ROBO2: variants seen among roughly 807,000 people sequenced by gnomAD.
ROBO2 encodes roundabout homolog 2.
A neutral mutation model predicts 160.8 loss-of-function variants in ROBO2; 53 were observed. The observed-to-expected ratio is 0.33, with a 90% CI of 0.26 to 0.41. The LOEUF is 0.41. Among genes scored for constraint, ROBO2 ranks in the 10% least tolerant of loss-of-function variants. The pLI is 1.00. For missense variants in ROBO2, 1,577 were observed against 1,722.4 expected, an observed-to-expected ratio of 0.92 and a Z score of 1.49; for synonymous variants, 664 against 611.7, an observed-to-expected ratio of 1.09 and a Z score of -1.26.
intron 24 of ROBO2, among the ~76,000 whole-genome samples, chr3:77,639,359 C>T (rs1234313702): frequency 6.6e-6 from 1 of 152,042 alleles, no homozygotes; most frequent in Non-Finnish European, 1.5e-5. Context: ...TAAGTACATA[C>T]ATGAACATAT....
chr3:76,751,277 C>A (rs559060104), intron 2 of ROBO2, among the ~76,000 whole-genome samples: 162 of 152,268 alleles, frequency 1.1e-3, no homozygotes, highest in African/African-American at 3.6e-3. Context: ...TGGATCCCTT[C>A]CTTGCACCTT....
At chr3:77,275,211 T>C (rs1383648221) in intron 2 of ROBO2, among the ~76,000 whole-genome samples, 8 of 152,182 alleles carry the variant, frequency 5.3e-5, no homozygotes, top group East Asian at 1.9e-4. Context: ...TAATTGACTT[T>C]GAAAATTTGT....
chr3:76,445,933 A>G (rs1276343046), intron 2 of ROBO2, among the ~76,000 whole-genome samples: 2 of 152,194 alleles, frequency 1.3e-5, no homozygotes, highest in African/African-American at 2.4e-5. Flanking sequence ...AGCCAATATC[A>G]TACTGAATGG....
At chr3:77,444,640 A>G (rs1037240212) in intron 2 of ROBO2, among the ~76,000 whole-genome samples, 4 of 152,178 alleles carry the variant, frequency 2.6e-5, no homozygotes, top group Admixed American at 6.6e-5. Flanking sequence ...CAGCATTGAC[A>G]TCTCTACATA....
intron 2 of ROBO2, among the ~76,000 whole-genome samples, chr3:77,238,149 T>A (rs1281087840): frequency 2.0e-5 from 3 of 152,216 alleles, no homozygotes; most frequent in African/African-American, 7.2e-5. Context: ...ATCTAGTAGA[T>A]CTTTTACAAA....
At chr3:77,157,783 G>C (rs928157009) in intron 2 of ROBO2, among the ~76,000 whole-genome samples, 14 of 152,008 alleles carry the variant, frequency 9.2e-5, no homozygotes, top group Non-Finnish European at 1.9e-4. Flanking sequence ...TTCTATATTA[G>C]AGATTATCTA....
chr3:76,764,316 T>C (rs947523319), intron 2 of ROBO2, among the ~76,000 whole-genome samples: 1 of 151,730 alleles, frequency 6.6e-6, no homozygotes, highest in Admixed American at 6.6e-5. Context: ...GTATTGAGCA[T>C]CCATAGTTTG....
rs1459431538 is a variant in ROBO2 at position 75,982,081 on chromosome 3, T to C, written c.109+44479T>C. Among the ~76,000 whole-genome samples the C allele has an allele frequency of 7.9e-5, 12 of 151,606 alleles. No homozygotes were observed. In the Admixed American group the frequency reaches 7.9e-4, roughly 10 times the overall value. The stretch of plus-strand genomic sequence containing the variant: ...ACTTAATGATCTCCAGTTCCATCCA[T>C]ATTGTTGCAAATGACTGAATCTCAT... On this transcript the variant is annotated intron_variant, in intron 2 of 26. Transcript: ENST00000487694.
chr3:75,959,472 CT>C (rs1948832016), intron 2 of ROBO2, among the ~76,000 whole-genome samples: 2 of 151,692 alleles, frequency 1.3e-5, no homozygotes, highest in Non-Finnish European at 2.9e-5. Context: ...TAGGATGGAG[CT>C]ACAGCGTAAA....
chr3:76,822,564 A>G (rs2109156649), intron 2 of ROBO2, among the ~76,000 whole-genome samples: 1 of 152,064 alleles, frequency 6.6e-6, no homozygotes, highest in South Asian at 2.1e-4. Flanking sequence ...TACATGTCTA[A>G]ATTCATTAAC....
At chr3:76,878,183 G>A (rs984802894) in intron 2 of ROBO2, among the ~76,000 whole-genome samples, 6 of 135,564 alleles carry the variant, frequency 4.4e-5, no homozygotes, top group African/African-American at 1.5e-4. Flanking sequence ...AATGCATGAC[G>A]TCTTCAAAAA....
At chr3:77,609,550 C>T (rs1163093244) in intron 21 of ROBO2, among the ~76,000 whole-genome samples, 1 of 151,506 alleles carries the variant, frequency 6.6e-6, no homozygotes, top group Non-Finnish European at 1.5e-5. Context: ...GTTTTTTTTC[C>T]CATTGAGTCT....
chr3:76,099,344 A>G (rs944214558), intron 2 of ROBO2, among the ~76,000 whole-genome samples: 7 of 151,982 alleles, frequency 4.6e-5, no homozygotes, highest in Non-Finnish European at 8.8e-5. Context: ...GGACTCCTTG[A>G]CTTCTAAGCA....
intron 2 of ROBO2, among the ~76,000 whole-genome samples, chr3:77,416,017 C>A (rs913411667): frequency 6.6e-6 from 1 of 152,160 alleles, no homozygotes; most frequent in African/African-American, 2.4e-5. Flanking sequence ...TTTGTACCTA[C>A]TGTTTGGTGG....
intron 2 of ROBO2, among the ~76,000 whole-genome samples, chr3:76,776,210 G>T (rs1456445467): frequency 6.6e-6 from 1 of 150,738 alleles, no homozygotes; most frequent in Admixed American, 6.6e-5. Context: ...ACTCTATATA[G>T]TTAAAAACTA....
chr3:76,820,015 CA>C (rs1398727827), intron 2 of ROBO2, among the ~76,000 whole-genome samples: 1 of 152,110 alleles, frequency 6.6e-6, no homozygotes, highest in Non-Finnish European at 1.5e-5. Flanking sequence ...TTCACTCAAA[CA>C]AAATGCTCCA....
chr3:76,086,715 A>G (rs1037695601), intron 2 of ROBO2, among the ~76,000 whole-genome samples: 1 of 152,210 alleles, frequency 6.6e-6, no homozygotes, highest in Non-Finnish European at 1.5e-5. Context: ...AGAGTCAGAT[A>G]TGGCAAGAAA....
intron 2 of ROBO2, among the ~76,000 whole-genome samples, chr3:76,405,015 G>A (rs902318472): frequency 8.6e-5 from 13 of 151,604 alleles, no homozygotes; most frequent in African/African-American, 3.1e-4. Context: ...CATTTTGACA[G>A]GATGAAATGG....
At chr3:76,725,542 G>T (rs543395993) in intron 2 of ROBO2, among the ~76,000 whole-genome samples, 2 of 152,154 alleles carry the variant, frequency 1.3e-5, no homozygotes, top group Non-Finnish European at 2.9e-5. Context: ...ATCAAAATCT[G>T]CTATATGTGC....
Sources: allele counts gnomAD v4.1 joint callset (sites outside exome capture counted in the v4.1 genomes callset), GRCh38; gene constraint gnomAD v4.1.1; transcripts MANE v1.5; gene names NCBI Gene and HGNC (gene_info 2026-07-23, HGNC 2026-07-21).